The following TENM3 variants were observed in gnomAD, a reference collection of about 807,000 sequenced individuals.
TENM3 encodes teneurin-3.
A neutral mutation model predicts 255.1 loss-of-function variants in TENM3; 63 were observed. The ratio of observed to expected loss-of-function variants is 0.25; its 90% CI spans 0.20 to 0.30. The LOEUF (loss-of-function observed/expected upper bound fraction) is 0.30. TENM3 is among the 10% of genes least tolerant of loss of function. The pLI, the probability that TENM3 is intolerant of heterozygous loss-of-function variation, is 1.00. For synonymous variants in TENM3, 1,306 were observed against 1,322.3 expected, an observed-to-expected ratio of 0.99 and a Z score of 0.27; for missense variants, 2,929 against 3,461.1, an observed-to-expected ratio of 0.85 and a Z score of 3.86.
chr4:182,653,926 C>A (rs753287160), intron 6 of TENM3, 33 bp downstream of exon 6: 18 of 1,567,434 alleles, frequency 1.1e-5, no homozygotes, highest in Non-Finnish European at 1.5e-5. Flanking sequence ...CTGTGTTTCT[C>A]TTTTAACATC....
chr4:182,240,151 A>C (rs2150059501), upstream of TENM3, among the ~76,000 whole-genome samples: 1 of 152,294 alleles, frequency 6.6e-6, no homozygotes, highest in African/African-American at 2.4e-5. Flanking sequence ...CTCATGATTT[A>C]TGAAGACCCT....
chr4:182,497,712 A>G (rs899728298), intron 3 of TENM3, among the ~76,000 whole-genome samples: 2 of 152,064 alleles, frequency 1.3e-5, no homozygotes, highest in African/African-American at 2.4e-5. Context: ...ACAGTTACCA[A>G]TCATATCAGT....
chr4:182,495,895 G>A (rs1275858059), intron 3 of TENM3, among the ~76,000 whole-genome samples: 3 of 152,106 alleles, frequency 2.0e-5, no homozygotes, highest in Non-Finnish European at 4.4e-5. Context: ...TCAGGGGTTA[G>A]CTGCTTAAAC....
intron 10 of TENM3, 53 bp downstream of exon 10, chr4:182,680,790 A>T (rs1458873641): frequency 7.4e-7 from 1 of 1,344,394 alleles, no homozygotes; most frequent in Non-Finnish European, 9.9e-7. Context: ...AAAGAAACAG[A>T]TTGTATCTGT....
chr4:181,781,246 A>G, the TENM3 span, among the ~76,000 whole-genome samples: 2 of 152,152 alleles, frequency 1.3e-5, no homozygotes, highest in Non-Finnish European at 2.9e-5. Context: ...GATTCTTCCT[A>G]TCCGTGAGCA....
chr4:182,045,518 C>G, the TENM3 span, among the ~76,000 whole-genome samples: 1 of 151,746 alleles, frequency 6.6e-6, no homozygotes. Context: ...TAGGTCATTG[C>G]GTTTTTTTAA....
Position 182,370,410 on chromosome 4 carries a change from A to C in TENM3, c.511+23481A>C, listed in dbSNP as rs148171141. Among the ~76,000 whole-genome samples the C allele has an allele frequency of 3.3e-3, 501 of 152,284 alleles. 1 individual carries two copies. The highest frequency in any genetic ancestry group is 5.0e-3 in the Admixed American group (77 of 15,286). ...TGACTGGTAGTGGTATTCAGGAAGA[A>C]ATTTTTTGATGAATACCTTACCATA... On this transcript the variant is annotated intron_variant, in intron 3 of 27. Coordinates refer to ENST00000511685, the MANE Select transcript of TENM3 (RefSeq NM_001080477.4).
chr4:182,565,121 T>C (rs750296438), intron 3 of TENM3, among the ~76,000 whole-genome samples: 8 of 152,196 alleles, frequency 5.3e-5, no homozygotes, highest in Non-Finnish European at 1.0e-4. Flanking sequence ...GTAAAGACAC[T>C]ATGTTGCACA....
At chr4:181,913,737 A>G in the TENM3 span, among the ~76,000 whole-genome samples, 1 of 152,108 alleles carries the variant, frequency 6.6e-6, no homozygotes, top group Admixed American at 6.6e-5. Context: ...TAAAATGGAG[A>G]ACAAAGAACA....
the TENM3 span, among the ~76,000 whole-genome samples, chr4:181,646,034 C>CAGG: frequency 2.1e-3 from 317 of 152,318 alleles, 3 homozygotes; most frequent in African/African-American, 7.3e-3. Context: ...TGCAGGCAAA[C>CAGG]TATGGACACG....
At chr4:182,777,509 T>TTG (rs1172500944) in intron 24 of TENM3, among the ~76,000 whole-genome samples, 2,557 of 120,116 alleles carry the variant, frequency 0.021, 101 homozygotes, top group African/African-American at 0.077. Context: ...CATAATGTGT[T>TTG]TATGTGTGTG....
At chr4:182,330,646 A>G (rs1356907047) in intron 2 of TENM3, among the ~76,000 whole-genome samples, 1 of 152,254 alleles carries the variant, frequency 6.6e-6, no homozygotes, top group African/African-American at 2.4e-5. Context: ...GCTGGGATTC[A>G]GAGACCACGT....
At chr4:181,851,707 A>C in the TENM3 span, among the ~76,000 whole-genome samples, 1 of 152,254 alleles carries the variant, frequency 6.6e-6, no homozygotes, top group Admixed American at 6.5e-5. Flanking sequence ...AAAAAGAATA[A>C]GCATACAAGC....
the TENM3 span, among the ~76,000 whole-genome samples, chr4:182,121,158 C>T: frequency 7.2e-5 from 11 of 152,132 alleles, no homozygotes; most frequent in South Asian, 4.2e-4. Flanking sequence ...ACACGACACC[C>T]GGCTAACTTC....
intron 2 of TENM3, among the ~76,000 whole-genome samples, chr4:182,339,833 C>T (rs553452911): frequency 1.3e-5 from 2 of 151,928 alleles, no homozygotes; most frequent in African/African-American, 2.4e-5. Context: ...TTATCATTGC[C>T]GGGCCTTGGA....
At chr4:181,637,228 A>C in the TENM3 span, among the ~76,000 whole-genome samples, 1 of 152,200 alleles carries the variant, frequency 6.6e-6, no homozygotes, top group Non-Finnish European at 1.5e-5. Flanking sequence ...ACAACAACAA[A>C]AAAAACTTCA....
the TENM3 span, among the ~76,000 whole-genome samples, chr4:181,824,916 C>G: frequency 6.6e-6 from 1 of 152,198 alleles, no homozygotes; most frequent in Non-Finnish European, 1.5e-5. Context: ...CGGGCACTCA[C>G]TGACATTTGA....
At chr4:182,788,970 A>T (rs1293421758) in intron 24 of TENM3, 123 bp from the exon 25 acceptor site, 4 of 831,412 alleles carry the variant, frequency 4.8e-6, no homozygotes, top group Non-Finnish European at 7.2e-6. Context: ...TGTACCCAAG[A>T]AGTTGCTAAG....
At chr4:182,630,555 G>A (rs185843279) in intron 5 of TENM3, among the ~76,000 whole-genome samples, 1 of 152,246 alleles carries the variant, frequency 6.6e-6, no homozygotes, top group Admixed American at 6.5e-5. Flanking sequence ...CATGGGGTTG[G>A]CTGAGGGGAG....
Sources: allele counts gnomAD v4.1 joint callset (sites outside exome capture counted in the v4.1 genomes callset), GRCh38; gene constraint gnomAD v4.1.1; transcripts MANE v1.5; gene names NCBI Gene and HGNC (gene_info 2026-07-23, HGNC 2026-07-21).